MBLAC2: variants seen among roughly 807,000 people sequenced by gnomAD.
MBLAC2 encodes acyl-coenzyme A thioesterase MBLAC2.
A neutral mutation model predicts 23.3 loss-of-function variants in MBLAC2; 24 were observed. That is an observed-to-expected ratio of 1.03 (90% CI 0.75 to 1.45). The LOEUF is 1.45. Ranked by LOEUF, MBLAC2 falls within the 40% of genes most tolerant of loss-of-function variation. The pLI, the probability that MBLAC2 is intolerant of heterozygous loss-of-function variation, is 0.00. For synonymous variants in MBLAC2, 162 were observed against 150.9 expected (o/e 1.07, Z -0.54); for missense variants, 358 against 370.0 (o/e 0.97, Z 0.27).
At chr5:90,473,419 A>T in intron 1 of MBLAC2, 2 of 487,916 alleles carry the variant, frequency 4.1e-6, no homozygotes, top group Non-Finnish European at 3.6e-6. Context: ...AGCACAGATC[A>T]TGACATGCAC....
intron 1 of MBLAC2, among the ~76,000 whole-genome samples, chr5:90,466,180 A>G (rs781602223): frequency 4.6e-5 from 7 of 152,244 alleles, no homozygotes; most frequent in Non-Finnish European, 7.3e-5. Context: ...CATAATCGAT[A>G]TAACAGAGAG....
At position 90,467,725 on chromosome 5, in the gene MBLAC2, G is replaced by C. The variant is rs556617313; in HGVS notation, c.454+6114C>G. Among the ~76,000 whole-genome samples the C allele has an allele frequency of 1.8e-3, 229 of 130,612 alleles. 2 individuals are homozygous for C. Among genetic ancestry groups the C allele is most frequent in the African/African-American group, 7.2e-3 (226 of 31,426 alleles). The allele number at this position is 130,612 out of a possible 152,430, so 85.7% of individuals were successfully genotyped here. ...TATTCTATTCATCACGCTATTTGTT[G>C]CCTGAATACCTTCTTTTTTTGGGGG... On this transcript the variant is annotated intron_variant, in intron 1 of 1. Transcript: ENST00000316610.
chr5:90,473,327 G>GA (rs1750599955), intron 1 of MBLAC2: 1 of 265,050 alleles, frequency 3.8e-6, no homozygotes, highest in African/African-American at 2.3e-5. Flanking sequence ...TGGAATCACT[G>GA]GTCTGATGAC....
rs931538221 is a variant in MBLAC2, at chr5:90,458,797, A to G, written c.*2370T>C. ...GGAGTAAGATTAAATTAAATAATGC[A>G]TATTTTAAATGTACAGCATGGGCAC... On this transcript the variant is annotated 3_prime_UTR_variant, in exon 2 of 2. Coordinates refer to ENST00000316610, the MANE Select transcript of MBLAC2 (RefSeq NM_203406.2). The G allele has an allele frequency of 1.3e-5, 2 of 152,202 alleles. No individual in the cohort carries two copies. Among genetic ancestry groups the G allele is most frequent in the Non-Finnish European group, 2.9e-5 (2 of 68,010 alleles). 9.4% of individuals were successfully genotyped at this position (152,202 alleles called of 1,614,324 possible).
At position 90,461,309 on chromosome 5, in the gene MBLAC2, T is replaced by C. The variant is rs770502633; in HGVS notation, c.698A>G (p.Asn233Ser). Residue 233 changes from asparagine to serine, a missense_variant, in exon 2 of 2, where the codon AAT becomes AGT. Transcript: ENST00000316610. ...LVEKVLPGHF[N>S]TFGAERLFRL... Reference sequence around the variant, plus strand: ...AAAAAGCCTTTCAGCACCAAAGGTATTGAAGTGCCCAGGAAGCACCTTCTC... The same window carrying C: ...AAAAAGCCTTTCAGCACCAAAGGTACTGAAGTGCCCAGGAAGCACCTTCTC... 2.0e-5 allele frequency: 32 copies of C among 1,614,172 alleles called. No homozygotes were observed. The highest frequency in any genetic ancestry group is 2.3e-5 in the Non-Finnish European group (27 of 1,180,010).
rs372377327 is a variant in MBLAC2 at position 90,473,842 on chromosome 5, C to G, written c.451G>C (p.Asp151His). Residue 151 changes from aspartate (D) to histidine (H), a missense_variant, in exon 1 of 2, where the codon GAT becomes CAT. Coordinates refer to ENST00000316610, the MANE Select transcript of MBLAC2 (RefSeq NM_203406.2). ...CGCGCCCGCGGGGGCCCATTACCAT[C>G]CTGCAGGATGAGGGTGGGCTGCACC... Reference protein sequence around the residue: ...QAVQPTLILQDGDVINLGDRQ... With the variant: ...QAVQPTLILQHGDVINLGDRQ... 32 of 1,578,390 alleles carry G rather than the reference C, an allele frequency of 2.0e-5. No individual in the cohort carries two copies. Among genetic ancestry groups the G allele is most frequent in the Non-Finnish European group, 2.7e-5 (31 of 1,162,210 alleles).
rs1320543906 is a variant in MBLAC2 at position 90,474,097 on chromosome 5, G to A, written c.196C>T (p.Arg66Ter). The A allele has an allele frequency of 1.3e-6, 2 of 1,575,330 alleles. No individual in the cohort carries two copies. Among genetic ancestry groups the A allele is most frequent in the African/African-American group, 1.3e-5 (1 of 74,518 alleles). ...CGCGCCGCGTCCTCTTTGGCCTCTC[G>A]GTCCTGCAAGAGGCCGGAGGAGTAC... The part of the protein sequence containing the change: ...YLYSSGLLQD[R>*]EAKEDAARRP... Residue 66 changes from arginine (R) to a stop codon, truncating the protein, a stop_gained, in exon 1 of 2, where the codon CGA becomes TGA. Transcript: ENST00000316610. LOFTEE classifies it high-confidence loss of function.
At chr5:90,464,734 T>C (rs1750421348) in intron 1 of MBLAC2, among the ~76,000 whole-genome samples, 2 of 152,182 alleles carry the variant, frequency 1.3e-5, no homozygotes. Context: ...TTGGTTTAAC[T>C]AGTGAAAATA....
At chr5:90,468,651 T>G (rs1239579620) in intron 1 of MBLAC2, among the ~76,000 whole-genome samples, 1 of 152,114 alleles carries the variant, frequency 6.6e-6, no homozygotes, top group East Asian at 1.9e-4. Context: ...ACATGGAACA[T>G]TCTCCAAGAT....
At position 90,459,671 on chromosome 5, in the gene MBLAC2, T is replaced by C. The variant is rs1322642905; in HGVS notation, c.*1496A>G. On this transcript the variant is annotated 3_prime_UTR_variant, in exon 2 of 2. Transcript: ENST00000316610. ...ATTTATATTTTGTGTGCTTTCGACT[T>C]TTAGTTATAATGTTGTCTTTGACTT... The C allele has an allele frequency of 1.3e-5, 2 of 152,130 alleles. No homozygotes were observed. Among genetic ancestry groups the C allele is most frequent in the Admixed American group, 1.3e-4 (2 of 15,274 alleles). 9.4% of individuals were successfully genotyped at this position (152,130 alleles called of 1,614,324 possible).
rs554545750 is a variant in MBLAC2 at position 90,465,612 on chromosome 5, C to T, written c.455-4060G>A. Among the ~76,000 whole-genome samples the T allele has an allele frequency of 1.6e-3, 250 of 152,306 alleles. 2 individuals carry two copies. The highest frequency in any genetic ancestry group is 5.9e-3 in the African/African-American group (245 of 41,558). On this transcript the variant is annotated intron_variant, in intron 1 of 1. Transcript: ENST00000316610. ...AATTATTTTTTTAAAGAGATGGAAT[C>T]TCTGTCACTCAGGCTAAAGTGCAGT...
intron 1 of MBLAC2, among the ~76,000 whole-genome samples, chr5:90,464,935 AG>A (rs1750424966): frequency 2.6e-5 from 4 of 152,236 alleles, no homozygotes; most frequent in African/African-American, 9.6e-5. Flanking sequence ...CTCTTTGAAT[AG>A]AAAGTCTCCT....
At chr5:90,471,460 GATAACC>G (rs1750548073) in intron 1 of MBLAC2, among the ~76,000 whole-genome samples, 1 of 152,178 alleles carries the variant, frequency 6.6e-6, no homozygotes, top group Non-Finnish European at 1.5e-5. Flanking sequence ...CTTAGAGGAA[GATAACC>G]ATTTCACTAT....
At position 90,459,441 on chromosome 5, in the gene MBLAC2, AG is replaced by A. The variant is rs1750320163; in HGVS notation, c.*1725del. The A allele has an allele frequency of 6.6e-6, 1 of 152,146 alleles. No individual in the cohort carries two copies. The highest frequency in any genetic ancestry group is 2.1e-4 in the South Asian group (1 of 4,826). 9.4% of individuals were successfully genotyped at this position (152,146 alleles called of 1,614,324 possible). On this transcript the variant is annotated 3_prime_UTR_variant, in exon 2 of 2. Transcript: ENST00000316610. The stretch of plus-strand genomic sequence containing the variant: ...TGAAAATTAAATTTATATTTTCACA[AG>A]GAATAGACTATTCTAGACTAGCAAT...
chr5:90,473,241 T>C (rs1342987765), intron 1 of MBLAC2: 2 of 177,574 alleles, frequency 1.1e-5, no homozygotes, highest in Admixed American at 6.4e-5. Flanking sequence ...TTATGATTAC[T>C]ATTAAGCTTT....
At chr5:90,462,908 G>A (rs189771587) in intron 1 of MBLAC2, among the ~76,000 whole-genome samples, 46 of 152,228 alleles carry the variant, frequency 3.0e-4, no homozygotes, top group Non-Finnish European at 3.5e-4. Flanking sequence ...CTCCAAAACA[G>A]CAAAGTACAC....
intron 1 of MBLAC2, among the ~76,000 whole-genome samples, chr5:90,470,231 G>C (rs1473972880): frequency 6.6e-6 from 1 of 152,148 alleles, no homozygotes; most frequent in Non-Finnish European, 1.5e-5. Flanking sequence ...GGAATGAAGA[G>C]ATTGGTTAAT....
intron 1 of MBLAC2, among the ~76,000 whole-genome samples, chr5:90,467,127 C>T (rs1468550270): frequency 2.6e-5 from 4 of 152,102 alleles, no homozygotes; most frequent in African/African-American, 9.7e-5. Flanking sequence ...GAGACTCCAT[C>T]TCAAAAAAGT....
intron 1 of MBLAC2, among the ~76,000 whole-genome samples, chr5:90,464,180 T>C (rs914201009): frequency 5.3e-5 from 8 of 152,180 alleles, no homozygotes; most frequent in African/African-American, 1.7e-4. Flanking sequence ...TTCAACCCTA[T>C]AATAATTTCA....
Sources: allele counts gnomAD v4.1 joint callset (sites outside exome capture counted in the v4.1 genomes callset), GRCh38; gene constraint gnomAD v4.1.1; transcripts MANE v1.5; gene names NCBI Gene and HGNC (gene_info 2026-07-23, HGNC 2026-07-21).